Variants in ABCC2 observed in about 807,000 individuals in gnomAD.
ABCC2 encodes ATP binding cassette subfamily C member 2.
A neutral mutation model predicts 173.4 loss-of-function variants in ABCC2; 157 were observed. That is an observed-to-expected ratio of 0.91 (90% CI 0.80 to 1.03). ABCC2 has a LOEUF of 1.03. Ranked by LOEUF, ABCC2 falls within the 50% of genes least tolerant of loss-of-function variation. ABCC2 has a pLI of 0.00. For synonymous variants in ABCC2, 657 were observed against 693.5 expected (o/e 0.95, Z 0.83); for missense variants, 1,822 against 1,852.3 (o/e 0.98, Z 0.30).
chr10:99,803,920 C>T (rs1173385034), intron 9 of ABCC2, 99 bp from the exon 10 acceptor site: 2 of 1,492,348 alleles, frequency 1.3e-6, no homozygotes, highest in African/African-American at 2.8e-5. Flanking sequence ...CCATATGGAG[C>T]ACATCCTTCC....
chr10:99,789,723 AAAAGAAAAAGG>A (rs2037781723), intron 2 of ABCC2, among the ~76,000 whole-genome samples: 1 of 148,540 alleles, frequency 6.7e-6, no homozygotes, highest in Non-Finnish European at 1.5e-5. Context: ...AAAAAAAAAA[AAAAGAAAAAGG>A]AAAAGAAAAA....
At position 99,847,098 on chromosome 10, in the gene ABCC2, C is replaced by G; in HGVS notation, c.4284C>G (p.His1428Gln). Residue 1428 changes from histidine to glutamine, a missense_variant, in exon 30 of 32, where the codon CAC (histidine) becomes CAG (glutamine). Physicochemically the swap from His to Gln is conservative, Grantham distance 24. Transcript: ENST00000647814. ...FVASLQLGLS[H>Q]EVTEAGGNLS... ...CCAGCCTGCAACTTGGGTTATCCCA[C>G]GAAGTGACAGAGGCTGGTGGCAACC... is the stretch of plus-strand genomic sequence containing the variant. 1.2e-6 allele frequency: 2 copies of G among 1,614,164 alleles called. No homozygotes were observed. Among genetic ancestry groups the G allele is most frequent in the Non-Finnish European group, 1.7e-6 (2 of 1,180,036 alleles).
chr10:99,830,336 G>C lies in ABCC2; in HGVS notation c.2650G>C (p.Asp884His). The C allele has an allele frequency of 1.2e-6, 2 of 1,614,162 alleles. No homozygotes were observed. The highest frequency in any genetic ancestry group is 1.6e-4 in the Middle Eastern group (1 of 6,062). Reference sequence around the variant, plus strand: ...TGATGGCAGTGAAGAAGAAGACGATGACTATGGGCTGATATCCAGTGTGGA... The same window carrying C: ...TGATGGCAGTGAAGAAGAAGACGATCACTATGGGCTGATATCCAGTGTGGA... ...VHDGSEEEDD[D>H]YGLISSVEEI... Residue 884 changes from aspartate to histidine, a missense_variant, in exon 20 of 32, where the codon GAC (aspartate) becomes CAC (histidine). Transcript: ENST00000647814.
At chr10:99,845,590 G>C in intron 28 of ABCC2, 34 bp from the exon 29 acceptor site, 1 of 1,613,624 alleles carries the variant, frequency 6.2e-7, no homozygotes. Flanking sequence ...AGAATTATTT[G>C]TGGAACTAAT....
At chr10:99,812,560 G>A (rs1341361491) in intron 15 of ABCC2, among the ~76,000 whole-genome samples, 2 of 152,274 alleles carry the variant, frequency 1.3e-5, no homozygotes, top group Middle Eastern at 3.4e-3. Flanking sequence ...TACCTAATTT[G>A]GGAAATGTTA....
Position 99,813,094 on chromosome 10 carries a change from T to C in ABCC2, c.2044T>C (p.Ser682Pro). ...PVGSGKSSLI[S>P]AMLGEMENVH... ...CGGCTCTGGGAAATCCTCCTTGATATCAGCCATGCTGGGAGAAATGGAAAA... is the reference window on the plus strand; with the variant it reads ...CGGCTCTGGGAAATCCTCCTTGATACCAGCCATGCTGGGAGAAATGGAAAA... Residue 682 changes from serine to proline, a missense_variant, in exon 16 of 32, where the codon TCA becomes CCA. Ser to Pro is a moderately conservative substitution (Grantham distance 74). Coordinates refer to ENST00000647814, the MANE Select transcript of ABCC2 (RefSeq NM_000392.5). 6.2e-7 allele frequency: 1 copy of C among 1,614,096 alleles called. No homozygotes were observed. The highest frequency in any genetic ancestry group is 8.5e-7 in the Non-Finnish European group (1 of 1,179,954).
intron 29 of ABCC2, among the ~76,000 whole-genome samples, chr10:99,846,424 C>T (rs977709708): frequency 1.3e-5 from 2 of 151,814 alleles, no homozygotes; most frequent in Non-Finnish European, 2.9e-5. Flanking sequence ...ACACCTTCTT[C>T]TCATGCAGCT....
intron 11 of ABCC2, 66 bp from the exon 12 acceptor site, chr10:99,807,318 G>T (rs969505677): frequency 1.9e-6 from 3 of 1,594,426 alleles, no homozygotes; most frequent in African/African-American, 2.7e-5. Flanking sequence ...AACATGGGTG[G>T]ATCAGATACA....
rs557822791 is a variant in ABCC2, at chr10:99,824,774, G to A, written c.2620+5505G>A. ...GAGGCCCCATGGGTTGAATTACGGC[G>A]TTTACGGCCCTTAAGTCAGTTAACA... On this transcript the variant is annotated intron_variant, in intron 19 of 31. Transcript: ENST00000647814. Among the ~76,000 whole-genome samples, 121 of 152,234 alleles carry A rather than the reference G, an allele frequency of 7.9e-4. No homozygotes were observed. The South Asian group carries it at 0.02, about 25-fold the overall frequency.
chr10:99,796,155 G>A (rs1236514304), intron 6 of ABCC2, among the ~76,000 whole-genome samples: 1 of 152,144 alleles, frequency 6.6e-6, no homozygotes, highest in Non-Finnish European at 1.5e-5. Flanking sequence ...TTGAGGTCAG[G>A]AGTTGGAGAA....
chr10:99,804,113 C>A lies in ABCC2; in HGVS notation c.1304C>A (p.Thr435Asn), dbSNP rs1185113389. 1 of 1,614,128 alleles carries A rather than the reference C, an allele frequency of 6.2e-7. No homozygotes were observed. Among genetic ancestry groups the A allele is most frequent in the Admixed American group, 1.7e-5 (1 of 60,022 alleles). Reference sequence around the variant, plus strand: ...GATGCCCAGAAGCTCATGGATGTGACCAACTTCATGCACATGCTGTGGTCA... The same window carrying A: ...GATGCCCAGAAGCTCATGGATGTGAACAACTTCATGCACATGCTGTGGTCA... ...SVDAQKLMDV[T>N]NFMHMLWSSV... Residue 435 changes from threonine to asparagine, a missense_variant, in exon 10 of 32, where the codon ACC becomes AAC. Thr to Asn is a moderately conservative substitution (Grantham distance 65). Transcript: ENST00000647814.
chr10:99,792,105 C>A lies in ABCC2; in HGVS notation c.208-129C>A, dbSNP rs2037819774. 4 of 1,202,108 alleles carry A rather than the reference C, an allele frequency of 3.3e-6. No individual in the cohort carries two copies. The South Asian group carries it at 4.9e-5, about 15-fold the overall frequency. 74.5% of individuals were successfully genotyped at this position (1,202,108 alleles called of 1,614,324 possible). On this transcript the variant is annotated intron_variant, in intron 2 of 31. Transcript: ENST00000647814. Reference sequence around the variant, plus strand: ...CTTGAACTGTATGTATCCATTCTTTCCAGAAATATTTATTGTGTTATCTGA... The same window carrying A: ...CTTGAACTGTATGTATCCATTCTTTACAGAAATATTTATTGTGTTATCTGA...
rs749965212 is a variant in ABCC2 at position 99,813,028 on chromosome 10, G to A, written c.1978G>A (p.Asp660Asn). 2.5e-6 allele frequency: 4 copies of A among 1,613,814 alleles called. No homozygotes were observed. The highest frequency in any genetic ancestry group is 3.4e-6 in the Non-Finnish European group (4 of 1,179,874). The part of the protein sequence containing the change: ...SEATVRDVNL[D>N]IMAGQLVAVI... Reference sequence around the variant, plus strand: ...ATTCCTGTCTTTCAGTGTGAACCTGGACATTATGGCAGGCCAACTTGTGGC... The same window carrying A: ...ATTCCTGTCTTTCAGTGTGAACCTGAACATTATGGCAGGCCAACTTGTGGC... The change falls in exon 16 of 32, where the codon GAC (aspartate) becomes AAC (asparagine). Residue 660 changes from aspartate (D) to asparagine (N), a missense_variant. Coordinates refer to ENST00000647814, the MANE Select transcript of ABCC2 (RefSeq NM_000392.5).
chr10:99,847,826 G>A (rs1016334637), intron 30 of ABCC2, among the ~76,000 whole-genome samples: 1 of 151,350 alleles, frequency 6.6e-6, no homozygotes, highest in Non-Finnish European at 1.5e-5. Flanking sequence ...GGCTGAGGCA[G>A]AGAATTGCTT....
At chr10:99,846,136 C>G (rs1265291570) in intron 29 of ABCC2, among the ~76,000 whole-genome samples, 7 of 152,180 alleles carry the variant, frequency 4.6e-5, no homozygotes, top group Non-Finnish European at 5.9e-5. Context: ...TTTATACTCC[C>G]CATTTGCTAT....
chr10:99,813,271 G>A, intron 16 of ABCC2, 127 bp downstream of exon 16: 1 of 1,270,790 alleles, frequency 7.9e-7, no homozygotes, highest in Non-Finnish European at 1.1e-6. Context: ...ATAGATTTGT[G>A]GACTGTGATT....
chr10:99,804,385 A>G, intron 10 of ABCC2, 112 bp downstream of exon 10: 1 of 1,378,852 alleles, frequency 7.3e-7, no homozygotes, highest in Non-Finnish European at 1.0e-6. Flanking sequence ...CTGGTGGAAG[A>G]CTTTCTACCA....
At position 99,797,277 on chromosome 10, in the gene ABCC2, C is replaced by T; in HGVS notation, c.813C>T (p.Ala271=). 1.2e-6 allele frequency: 2 copies of T among 1,613,994 alleles called. No individual in the cohort carries two copies. Among genetic ancestry groups the T allele is most frequent in the African/African-American group, 1.3e-5 (1 of 75,056 alleles). Residue 271 remains alanine (A), a synonymous_variant, in exon 7 of 32, where the codon GCC becomes GCT. Transcript: ENST00000647814. ...AGAGCTCCCAGCAGAACTCTGGAGCCAGGCTGCCTGGCTTGAACAAGAATC... is the reference window on the plus strand; with the variant it reads ...AGAGCTCCCAGCAGAACTCTGGAGCTAGGCTGCCTGGCTTGAACAAGAATC... ...QEKSSQQNSG[A]RLPGLNKNQS...
At position 99,836,193 on chromosome 10, in the gene ABCC2, A is replaced by T. The variant is rs72558201; in HGVS notation, c.3517A>T (p.Ile1173Phe). ...CGAGACCGTATCAGGTTTGCCAGTT[A>T]TCCGTGCCTTTGAGCACCAGCAGCG... ...FSETVSGLPV[I>F]RAFEHQQRFL... The change falls in exon 25 of 32, where the codon ATC (isoleucine) becomes TTC (phenylalanine). Residue 1173 changes from isoleucine (I) to phenylalanine (F), a missense_variant. Physicochemically the swap from Ile to Phe is conservative, Grantham distance 21 (BLOSUM62 0). Coordinates refer to ENST00000647814, the MANE Select transcript of ABCC2 (RefSeq NM_000392.5). 21 of 1,614,090 alleles carry T rather than the reference A, an allele frequency of 1.3e-5. No homozygotes were observed. The Middle Eastern group carries it at 2.3e-3, about 177-fold the overall frequency.
Sources: allele counts gnomAD v4.1 joint callset (sites outside exome capture counted in the v4.1 genomes callset), GRCh38; gene constraint gnomAD v4.1.1; transcripts MANE v1.5; gene names NCBI Gene and HGNC (gene_info 2026-07-23, HGNC 2026-07-21).